The following CEP126 variants were observed in gnomAD, a reference collection of about 807,000 sequenced individuals.
CEP126 encodes centrosomal protein 126.
A neutral mutation model predicts 107.8 loss-of-function variants in CEP126; 74 were observed. That is an observed-to-expected ratio of 0.69 (90% CI 0.57 to 0.83). CEP126 has a LOEUF of 0.83. Among genes scored for constraint, CEP126 ranks in the 40% least tolerant of loss-of-function variants. The probability of loss-of-function intolerance (pLI) is 0.00; values close to 1 mark genes in which losing one functional copy is unlikely to be tolerated. For synonymous variants in CEP126, 449 were observed against 446.0 expected (o/e 1.01, Z -0.08); for missense variants, 1,237 against 1,281.9 (o/e 0.96, Z 0.53).
intron 2 of CEP126, among the ~76,000 whole-genome samples, chr11:101,924,298 G>A (rs957388539): frequency 1.3e-5 from 2 of 152,130 alleles, no homozygotes; most frequent in African/African-American, 4.8e-5. Context: ...GTGCACATCC[G>A]AATTTCAGAA....
intron 9 of CEP126, among the ~76,000 whole-genome samples, chr11:101,990,123 A>G (rs1156389323): frequency 1.3e-5 from 2 of 150,278 alleles, no homozygotes; most frequent in Non-Finnish European, 2.9e-5. Flanking sequence ...GTGGACTACT[A>G]TGAGGATGTA....
At position 101,958,379 on chromosome 11, in the gene CEP126, A is replaced by G; in HGVS notation, c.705+13A>G. On this transcript the variant is annotated intron_variant, in intron 5 of 10. Transcript: ENST00000263468. ...AAGCAATTTGCAAGTATGAAACTATAAAAATGTTGTTAATATTTTAATTCC... is the reference window on the plus strand; with the variant it reads ...AAGCAATTTGCAAGTATGAAACTATGAAAATGTTGTTAATATTTTAATTCC... The G allele has an allele frequency of 6.2e-7, 1 of 1,605,048 alleles. No individual in the cohort carries two copies.
intron 8 of CEP126, among the ~76,000 whole-genome samples, chr11:101,985,697 C>T (rs880474): frequency 0.52 from 78,798 of 151,950 alleles, 20,993 homozygotes; most frequent in East Asian, 0.78. Context: ...GCATTTTGGA[C>T]AAGGAATACT....
chr11:101,991,171 T>A (rs1253167899), intron 9 of CEP126, among the ~76,000 whole-genome samples: 1 of 152,070 alleles, frequency 6.6e-6, no homozygotes, highest in Non-Finnish European at 1.5e-5. Flanking sequence ...AGGGAGACCC[T>A]GTCTCAAAAT....
rs1292686450 is a variant in CEP126 at position 101,962,969 on chromosome 11, A to G, written c.1934A>G (p.Asn645Ser). 1 of 1,611,762 alleles carries G rather than the reference A, an allele frequency of 6.2e-7. No homozygotes were observed. Among genetic ancestry groups the G allele is most frequent in the East Asian group, 2.2e-5 (1 of 44,866 alleles). Residue 645 changes from asparagine (N) to serine (S), a missense_variant, in exon 6 of 11, where the codon AAC becomes AGC. Asn to Ser is a conservative substitution (Grantham distance 46). This residue lies in a region of CEP126 where 1,134 missense variants were observed against 1,150.5 expected (regional missense o/e 0.99). Transcript: ENST00000263468. ...ETSNIENNAE[N>S]SHSLKNKTGT... Reference sequence around the variant, plus strand: ...AGCAATATAGAAAACAATGCTGAAAACAGTCATTCACTGAAGAATAAAACA... The same window carrying G: ...AGCAATATAGAAAACAATGCTGAAAGCAGTCATTCACTGAAGAATAAAACA...
At chr11:101,993,284 C>T (rs1222475992) in intron 10 of CEP126, among the ~76,000 whole-genome samples, 1 of 152,162 alleles carries the variant, frequency 6.6e-6, no homozygotes, top group African/African-American at 2.4e-5. Context: ...ATGTTTAGCT[C>T]CCACTTCTAA....
intron 1 of CEP126, among the ~76,000 whole-genome samples, chr11:101,920,745 G>A (rs11225065): frequency 0.091 from 13,871 of 151,784 alleles, 805 homozygotes; most frequent in East Asian, 0.27. Context: ...AGCTGGGGCT[G>A]CAGGCATACA....
At chr11:101,961,113 A>C (rs980419046) in intron 5 of CEP126, among the ~76,000 whole-genome samples, 2 of 152,112 alleles carry the variant, frequency 1.3e-5, no homozygotes, top group African/African-American at 2.4e-5. Flanking sequence ...GCCTAAACCC[A>C]TATGAAAATT....
intron 9 of CEP126, among the ~76,000 whole-genome samples, chr11:101,988,049 C>A (rs1446072704): frequency 3.3e-5 from 5 of 151,592 alleles, no homozygotes; most frequent in Non-Finnish European, 7.4e-5. Flanking sequence ...ACAGAATAAA[C>A]AGACCCAGAA....
intron 6 of CEP126, among the ~76,000 whole-genome samples, chr11:101,965,396 A>G (rs1030991705): frequency 2.0e-5 from 3 of 152,194 alleles, no homozygotes; most frequent in Non-Finnish European, 4.4e-5. Context: ...GTATCCCCAG[A>G]TCCTAACAGT....
In CEP126 at chr11:101,982,375, T is replaced by G. The variant is rs1046191106; in HGVS notation, c.3034+411T>G. Among the ~76,000 whole-genome samples the G allele has an allele frequency of 2.4e-4, 36 of 152,206 alleles. 1 individual carries two copies. On this transcript the variant is annotated intron_variant, in intron 8 of 10. Transcript: ENST00000263468. ...GGAAAAGTATTATTCAAAATTGTTC[T>G]AGTAGTGTGTGTCCAGTGGTGTATG... is the stretch of plus-strand genomic sequence containing the variant.
chr11:101,989,465 C>T (rs1046255488), intron 9 of CEP126, among the ~76,000 whole-genome samples: 2 of 152,274 alleles, frequency 1.3e-5, no homozygotes, highest in East Asian at 1.9e-4. Flanking sequence ...TGGCAAAAAT[C>T]ACCTATGGTT....
rs776741207 is a variant in CEP126, at chr11:101,963,543, C to T, written c.2508C>T (p.Asn836=). The T allele has an allele frequency of 1.9e-6, 3 of 1,614,002 alleles. No homozygotes were observed. In the Admixed American group the frequency reaches 5.0e-5, roughly 27 times the overall value. The part of the protein sequence containing the change: ...PENPQNIITH[N]SFNSKHVLPT... ...ATCCTCAAAACATTATTACACATAA[C>T]TCTTTTAATTCAAAACATGTGCTTC... The change falls in exon 6 of 11, where the codon AAC becomes AAT. Residue 836 remains asparagine (N), a synonymous_variant. Transcript: ENST00000263468.
intron 7 of CEP126, 93 bp downstream of exon 7, chr11:101,978,552 G>T: frequency 1.4e-6 from 1 of 738,092 alleles, no homozygotes; most frequent in Admixed American, 2.4e-5. Flanking sequence ...GCTGTAAACT[G>T]TATACCACAA....
Position 101,967,358 on chromosome 11 carries a change from C to T in CEP126, c.2845+3478C>T, listed in dbSNP as rs563088299. Among the ~76,000 whole-genome samples, 9 of 152,274 alleles carry T rather than the reference C, an allele frequency of 5.9e-5. No individual in the cohort carries two copies. The South Asian group carries it at 1.9e-3, about 32-fold the overall frequency. On this transcript the variant is annotated intron_variant, in intron 6 of 10. Transcript: ENST00000263468. ...AGTTCTTTTACCAATATCCTAAACT[C>T]TTTGCCTCTTGGTCTTTTTTGTCAC...
At chr11:101,929,089 C>A (rs1438829591) in intron 2 of CEP126, among the ~76,000 whole-genome samples, 1 of 151,960 alleles carries the variant, frequency 6.6e-6, no homozygotes, top group Non-Finnish European at 1.5e-5. Context: ...TATATTGATT[C>A]TTTATGTTTT....
rs752936061 is a variant in CEP126 at position 101,961,881 on chromosome 11, C to T, written c.846C>T (p.Ser282=). The change falls in exon 6 of 11, where the codon TCC becomes TCT. Residue 282 remains serine, a synonymous_variant. Transcript: ENST00000263468. ...HSTSIQRNTI[S]LKPANMQSTN... ...CATCCATCCAGCGGAATACCATTTC[C>T]CTCAAACCAGCAAATATGCAATCAA... 6.2e-7 allele frequency: 1 copy of T among 1,613,126 alleles called. No individual in the cohort carries two copies. Among genetic ancestry groups the T allele is most frequent in the South Asian group, 1.1e-5 (1 of 90,928 alleles).
chr11:101,987,601 C>T (rs531123053), intron 9 of CEP126, among the ~76,000 whole-genome samples: 2 of 151,358 alleles, frequency 1.3e-5, no homozygotes, highest in South Asian at 2.1e-4. Flanking sequence ...CTGGGCCACC[C>T]GAAGAGCTGT....
chr11:101,968,378 A>G (rs1941084566), intron 6 of CEP126, among the ~76,000 whole-genome samples: 1 of 152,192 alleles, frequency 6.6e-6, no homozygotes, highest in South Asian at 2.1e-4. Context: ...ACTTAAATAT[A>G]TAAGTTAAGT....
Sources: allele counts gnomAD v4.1 joint callset (sites outside exome capture counted in the v4.1 genomes callset), GRCh38; gene constraint gnomAD v4.1.1; regional missense constraint gnomAD v4.1.1; transcripts MANE v1.5; gene names NCBI Gene and HGNC (gene_info 2026-07-23, HGNC 2026-07-21).